The following PTPRM variants were observed in gnomAD, a reference collection of about 807,000 sequenced individuals.
PTPRM encodes protein tyrosine phosphatase receptor type M, also known as receptor-type tyrosine-protein phosphatase mu.
A neutral mutation model predicts 186.7 loss-of-function variants in PTPRM; 47 were observed. The ratio of observed to expected loss-of-function variants is 0.25; its 90% CI spans 0.20 to 0.32. PTPRM has a LOEUF of 0.32. Ranked by LOEUF, PTPRM falls within the 10% of genes least tolerant of loss-of-function variation. The pLI is 1.00. For synonymous variants in PTPRM, 668 were observed against 674.9 expected (o/e 0.99, Z 0.16); for missense variants, 1,494 against 1,865.0 (o/e 0.80, Z 3.66).
chr18:7,691,115 AT>A (rs938160344), intron 1 of PTPRM, among the ~76,000 whole-genome samples: 33 of 151,404 alleles, frequency 2.2e-4, no homozygotes, highest in South Asian at 1.3e-3. Context: ...TTTTGATTTT[AT>A]TTTTTTTTAT....
chr18:8,275,327 T>C (rs2094821212), intron 19 of PTPRM, among the ~76,000 whole-genome samples: 1 of 152,080 alleles, frequency 6.6e-6, no homozygotes, highest in Admixed American at 6.6e-5. Context: ...CACCTGTGGT[T>C]CCAGCTACTC....
intron 1 of PTPRM, among the ~76,000 whole-genome samples, chr18:7,670,200 A>G (rs2039188747): frequency 6.6e-6 from 1 of 152,178 alleles, no homozygotes; most frequent in South Asian, 2.1e-4. Flanking sequence ...TGAAGCTTTC[A>G]AAATTTGCAG....
chr18:8,320,956 G>A (rs1201066384), intron 22 of PTPRM, among the ~76,000 whole-genome samples: 1 of 152,150 alleles, frequency 6.6e-6, no homozygotes, highest in African/African-American at 2.4e-5. Flanking sequence ...GGCTCAGCTT[G>A]AGCTCTTACA....
chr18:7,754,165 G>A lies in PTPRM; in HGVS notation c.74-19984G>A, dbSNP rs1598518475. 2.0e-5 allele frequency among the ~76,000 whole-genome samples: 3 copies of A among 152,272 alleles called. No homozygotes were observed. The South Asian group carries it at 6.2e-4, about 32-fold the overall frequency. On this transcript the variant is annotated intron_variant, in intron 1 of 32. Transcript: ENST00000580170. ...GTCTTAGCCCATGTTGTATGGTTGT[G>A]TTTTGGTTTTCTATTTCTTCTTTAC... is the stretch of plus-strand genomic sequence containing the variant.
At chr18:7,743,709 G>A (rs1379595763) in intron 1 of PTPRM, among the ~76,000 whole-genome samples, 2 of 152,128 alleles carry the variant, frequency 1.3e-5, no homozygotes, top group Non-Finnish European at 2.9e-5. Context: ...CAGAAAAGGA[G>A]TTTATACGTA....
chr18:7,896,372 A>G lies in PTPRM; in HGVS notation c.468+7995A>G, dbSNP rs553283698. 1.1e-3 allele frequency among the ~76,000 whole-genome samples: 161 copies of G among 152,290 alleles called. 1 individual carries two copies. In the Middle Eastern group the frequency reaches 0.034, roughly 32 times the overall value. On this transcript the variant is annotated intron_variant, in intron 3 of 32. Transcript: ENST00000580170. ...CTAGCCACAGATTTCGTCATATTCTAATCATGCATGCACCCCAGAAGCCTC... is the reference window on the plus strand; with the variant it reads ...CTAGCCACAGATTTCGTCATATTCTGATCATGCATGCACCCCAGAAGCCTC...
chr18:8,381,098 A>G (rs1029726347), intron 29 of PTPRM, among the ~76,000 whole-genome samples: 8 of 152,232 alleles, frequency 5.3e-5, no homozygotes, highest in Non-Finnish European at 1.0e-4. Context: ...ACTCTTAAAC[A>G]TTAAAGAGAA....
At chr18:7,836,581 C>A (rs1403257717) in intron 2 of PTPRM, among the ~76,000 whole-genome samples, 2 of 152,132 alleles carry the variant, frequency 1.3e-5, no homozygotes, top group African/African-American at 4.8e-5. Context: ...TGTGTACTTA[C>A]TATTACAAGT....
chr18:8,253,510 C>A, intron 19 of PTPRM, 96 bp downstream of exon 19: 3 of 1,164,822 alleles, frequency 2.6e-6, no homozygotes, highest in Non-Finnish European at 3.3e-6. Context: ...AGAGAAAACC[C>A]CCTGCCCCGA....
chr18:8,068,108 A>T (rs1035682557), intron 7 of PTPRM, among the ~76,000 whole-genome samples: 4 of 152,172 alleles, frequency 2.6e-5, no homozygotes, highest in Non-Finnish European at 2.9e-5. Flanking sequence ...CTTGGTCACA[A>T]TTTTTATGTC....
chr18:8,232,972 G>C (rs1291711155), intron 14 of PTPRM, among the ~76,000 whole-genome samples: 1 of 152,184 alleles, frequency 6.6e-6, no homozygotes, highest in Non-Finnish European at 1.5e-5. Flanking sequence ...AGGCTTGTGA[G>C]ACTGCATTCC....
chr18:7,665,184 A>G (rs1402094187), intron 1 of PTPRM, among the ~76,000 whole-genome samples: 1 of 152,156 alleles, frequency 6.6e-6, no homozygotes, highest in African/African-American at 2.4e-5. Context: ...GATGATTTAG[A>G]AGGTTTTATT....
In PTPRM at chr18:7,917,510, T is replaced by G. The variant is rs944244285; in HGVS notation, c.548-9058T>G. ...CAGCTCGCGCCACTGTACTCCAGCC[T>G]GGGCGACAGAGTGAGACTCTGTCTA... On this transcript the variant is annotated intron_variant, in intron 4 of 32. Coordinates refer to ENST00000580170, the MANE Select transcript of PTPRM (RefSeq NM_001105244.2). Among the ~76,000 whole-genome samples the G allele has an allele frequency of 1.2e-4, 18 of 152,286 alleles. No homozygotes were observed. In the East Asian group the frequency reaches 2.7e-3, roughly 23 times the overall value.
intron 1 of PTPRM, among the ~76,000 whole-genome samples, chr18:7,647,074 C>T (rs1036400416): frequency 9.2e-5 from 14 of 152,100 alleles, no homozygotes; most frequent in African/African-American, 4.8e-5. Context: ...TCCTGAGACA[C>T]GTAACAGTGA....
intron 14 of PTPRM, among the ~76,000 whole-genome samples, chr18:8,153,462 C>T (rs1347098679): frequency 6.6e-6 from 1 of 152,154 alleles, no homozygotes; most frequent in African/African-American, 2.4e-5. Context: ...GTCAGATTTA[C>T]ATGATTATTT....
intron 8 of PTPRM, among the ~76,000 whole-genome samples, chr18:8,070,708 G>C (rs2148445602): frequency 6.6e-6 from 1 of 152,290 alleles, no homozygotes; most frequent in East Asian, 1.9e-4. Flanking sequence ...GAACCCTTGT[G>C]TGTAATGACA....
At chr18:7,860,654 GA>G (rs1352930371) in intron 2 of PTPRM, among the ~76,000 whole-genome samples, 1 of 152,192 alleles carries the variant, frequency 6.6e-6, no homozygotes, top group Non-Finnish European at 1.5e-5. Context: ...GCATTTAACA[GA>G]AATGCTGAAT....
At chr18:8,189,310 C>T (rs1216319763) in intron 14 of PTPRM, among the ~76,000 whole-genome samples, 2 of 149,134 alleles carry the variant, frequency 1.3e-5, no homozygotes. Context: ...AAAAAGGTCT[C>T]AGGGTTGAAA....
intron 23 of PTPRM, among the ~76,000 whole-genome samples, chr18:8,346,516 G>A (rs1480316883): frequency 6.6e-6 from 1 of 152,168 alleles, no homozygotes; most frequent in African/African-American, 2.4e-5. Flanking sequence ...CTCCTTGGAG[G>A]CCTGTCTCCA....
Sources: gnomAD v4.1 joint callset for allele counts (sites outside exome capture counted in the v4.1 genomes callset) on GRCh38, gnomAD v4.1.1 for gene constraint, MANE v1.5 for transcripts, NCBI Gene and HGNC (gene_info 2026-07-23, HGNC 2026-07-21) for gene names.